The following TMEFF2 variants were observed in gnomAD, a reference collection of about 807,000 sequenced individuals.
The protein encoded by TMEFF2 is transmembrane protein with EGF like and two follistatin like domains 2.
In TMEFF2, 28 loss-of-function variants were observed where a neutral mutation model predicts 53.8. The ratio of observed to expected loss-of-function variants is 0.52; its 90% CI spans 0.39 to 0.71. TMEFF2 has a LOEUF of 0.71. TMEFF2 is among the 30% of genes least tolerant of loss of function. The probability of loss-of-function intolerance (pLI) is 0.00; values close to 1 mark genes in which losing one functional copy is unlikely to be tolerated. For missense variants in TMEFF2, 353 were observed against 455.2 expected (o/e 0.78, Z 2.04); for synonymous variants, 162 against 166.3 (o/e 0.97, Z 0.20).
chr2:192,193,761 T>TAGAGAGAGAGAGAGAGAG (rs530141565), intron 1 of TMEFF2, among the ~76,000 whole-genome samples: 2 of 47,824 alleles, frequency 4.2e-5, no homozygotes, highest in Non-Finnish European at 4.4e-5. Context: ...GATAGATAGA[T>TAGAGAGAGAGAGAGAGAG]AGAGAGAGAG....
At position 192,038,453 on chromosome 2, in the gene TMEFF2, A is replaced by AT. The variant is rs890690031; in HGVS notation, c.536+19225dup. Among the ~76,000 whole-genome samples, 6 of 151,062 alleles carry AT rather than the reference A, an allele frequency of 4.0e-5. No homozygotes were observed. The East Asian group carries it at 5.8e-4, about 15-fold the overall frequency. ...CAATAATACTTAGTTGTTATTTTAA[A>AT]TTTTTTTTTTAAACCTTTCAAACCT... is the stretch of plus-strand genomic sequence containing the variant. On this transcript the variant is annotated intron_variant, in intron 5 of 9. Coordinates refer to ENST00000272771, the MANE Select transcript of TMEFF2 (RefSeq NM_016192.4).
intron 5 of TMEFF2, among the ~76,000 whole-genome samples, chr2:192,000,664 A>G (rs1290931495): frequency 6.6e-6 from 1 of 152,178 alleles, no homozygotes; most frequent in Admixed American, 6.5e-5. Flanking sequence ...TTGTATACAC[A>G]CCAGTGCATC....
rs571494175 is a variant in TMEFF2 at position 192,056,008 on chromosome 2, C to T, written c.536+1671G>A. The stretch of plus-strand genomic sequence containing the variant: ...CAAAGGCAGTGTTTACTTGTAAGTA[C>T]GTAGTTTACCCTAAGAACCACCATT... On this transcript the variant is annotated intron_variant, in intron 5 of 9. Transcript: ENST00000272771. Among the ~76,000 whole-genome samples, 31 of 152,170 alleles carry T rather than the reference C, an allele frequency of 2.0e-4. 2 individuals carry two copies. In the South Asian group the frequency reaches 6.2e-3, roughly 31 times the overall value.
At chr2:192,025,913 C>A (rs968916290) in intron 5 of TMEFF2, among the ~76,000 whole-genome samples, 1 of 152,284 alleles carries the variant, frequency 6.6e-6, no homozygotes, top group African/African-American at 2.4e-5. Flanking sequence ...AACTATTTAA[C>A]CAACACATTT....
chr2:192,024,842 A>G (rs1270224805), intron 5 of TMEFF2, among the ~76,000 whole-genome samples: 1 of 152,224 alleles, frequency 6.6e-6, no homozygotes, highest in East Asian at 1.9e-4. Flanking sequence ...AGACTGGACT[A>G]TGAGAAGAAT....
intron 7 of TMEFF2, among the ~76,000 whole-genome samples, chr2:191,997,829 C>G (rs1431977753): frequency 6.6e-6 from 1 of 151,634 alleles, no homozygotes; most frequent in Non-Finnish European, 1.5e-5. Context: ...ATAAAGACAA[C>G]CTGCATTATT....
chr2:192,021,590 A>G (rs910733668), intron 5 of TMEFF2, among the ~76,000 whole-genome samples: 3 of 152,148 alleles, frequency 2.0e-5, no homozygotes, highest in Admixed American at 6.5e-5. Context: ...AGTGGAAAGA[A>G]GAGATAGAAA....
intron 4 of TMEFF2, among the ~76,000 whole-genome samples, chr2:192,086,705 C>A (rs1175064150): frequency 6.6e-6 from 1 of 152,130 alleles, no homozygotes; most frequent in Non-Finnish European, 1.5e-5. Flanking sequence ...ACCCAGGGGA[C>A]AAGCAACCTT....
chr2:191,980,754 A>G (rs1012750409), intron 7 of TMEFF2, among the ~76,000 whole-genome samples: 2 of 152,000 alleles, frequency 1.3e-5, no homozygotes, highest in Admixed American at 6.6e-5. Context: ...AGAAATGAAC[A>G]TATTCATTAT....
At chr2:192,064,690 C>G (rs1286442609) in intron 4 of TMEFF2, among the ~76,000 whole-genome samples, 3 of 151,800 alleles carry the variant, frequency 2.0e-5, no homozygotes, top group African/African-American at 7.2e-5. Context: ...CATTAGTTTT[C>G]TGACATGCTT....
chr2:192,075,752 A>G lies in TMEFF2; in HGVS notation c.440-17977T>C, dbSNP rs184121383. Among the ~76,000 whole-genome samples the G allele has an allele frequency of 1.3e-3, 204 of 152,144 alleles. 1 individual carries two copies. The highest frequency in any genetic ancestry group is 4.7e-3 in the African/African-American group (197 of 41,538). On this transcript the variant is annotated intron_variant, in intron 4 of 9. Transcript: ENST00000272771. ...TAATTGCAAAATATTTATTTTAAAT[A>G]TTAGGAAGCACACTGAAGAAGCTAA...
intron 7 of TMEFF2, among the ~76,000 whole-genome samples, chr2:191,983,243 G>A (rs1685897788): frequency 6.6e-6 from 1 of 152,144 alleles, no homozygotes; most frequent in South Asian, 2.1e-4. Context: ...AAGGATGTTT[G>A]CACATTGACA....
At chr2:192,020,490 T>C (rs1350305402) in intron 5 of TMEFF2, among the ~76,000 whole-genome samples, 1 of 152,090 alleles carries the variant, frequency 6.6e-6, no homozygotes, top group Non-Finnish European at 1.5e-5. Context: ...TGTATATACT[T>C]AGTATAAATT....
chr2:191,972,378 G>A (rs1490484313), intron 7 of TMEFF2, among the ~76,000 whole-genome samples: 1 of 142,592 alleles, frequency 7.0e-6, no homozygotes, highest in Non-Finnish European at 1.5e-5. Flanking sequence ...GTCCATGCTG[G>A]TCTTGAACTC....
intron 4 of TMEFF2, among the ~76,000 whole-genome samples, chr2:192,092,078 T>C (rs963579976): frequency 5.3e-5 from 8 of 152,108 alleles, no homozygotes. Flanking sequence ...TTTCCCTCAA[T>C]AAAGCTCAGT....
At chr2:192,179,992 T>C (rs566348530) in intron 3 of TMEFF2, among the ~76,000 whole-genome samples, 1 of 151,592 alleles carries the variant, frequency 6.6e-6, no homozygotes, top group South Asian at 2.1e-4. Context: ...CTGGATTTGG[T>C]GCCATTAGCA....
Position 192,143,522 on chromosome 2 carries a change from T to C in TMEFF2, c.439+36146A>G, listed in dbSNP as rs149781352. 2.0e-3 allele frequency among the ~76,000 whole-genome samples: 299 copies of C among 152,306 alleles called. 3 individuals are homozygous for C. Among genetic ancestry groups the C allele is most frequent in the South Asian group, 0.014 (70 of 4,828 alleles). On this transcript the variant is annotated intron_variant, in intron 4 of 9. Transcript: ENST00000272771. ...CCTCAGTGAGTAACTATAATTGTAT[T>C]TGTTGTGAACTTCCATGACAAAATT...
intron 4 of TMEFF2, among the ~76,000 whole-genome samples, chr2:192,087,898 T>G (rs58259454): frequency 0.027 from 4,066 of 152,274 alleles, 193 homozygotes; most frequent in African/African-American, 0.092. Context: ...ATGTGTTTAT[T>G]AAACCAAAAG....
intron 4 of TMEFF2, among the ~76,000 whole-genome samples, chr2:192,133,819 A>G (rs892238526): frequency 1.2e-4 from 19 of 152,172 alleles, no homozygotes; most frequent in African/African-American, 2.4e-4. Context: ...GTCAAGCCCA[A>G]ATTTCATCCT....
Sources: gnomAD v4.1 joint callset for allele counts (sites outside exome capture counted in the v4.1 genomes callset) on GRCh38, gnomAD v4.1.1 for gene constraint, MANE v1.5 for transcripts, NCBI Gene and HGNC (gene_info 2026-07-23, HGNC 2026-07-21) for gene names.